ADARB2: variants seen among roughly 807,000 people sequenced by gnomAD.
ADARB2 encodes the protein adenosine deaminase RNA specific B2 (inactive), also known as inactive double-stranded RNA-specific editase B2.
ADARB2 carries 25 observed loss-of-function variants against 62.2 expected under a neutral mutation model. The ratio of observed to expected loss-of-function variants is 0.40; its 90% CI spans 0.29 to 0.56. ADARB2 has a LOEUF of 0.56. Ranked by LOEUF, ADARB2 falls within the 20% of genes least tolerant of loss-of-function variation. The pLI is 0.43. For missense variants in ADARB2, 1,071 were observed against 1,077.4 expected (o/e 0.99, Z 0.08); for synonymous variants, 572 against 500.8 (o/e 1.14, Z -1.90).
At chr10:1,664,576 G>A (rs1834290956) in intron 1 of ADARB2, among the ~76,000 whole-genome samples, 1 of 152,192 alleles carries the variant, frequency 6.6e-6, no homozygotes, top group African/African-American at 2.4e-5. Flanking sequence ...AAGAATTGCT[G>A]TTTACGGCGA....
intron 1 of ADARB2, among the ~76,000 whole-genome samples, chr10:1,709,989 G>A (rs1249798685): frequency 6.6e-6 from 1 of 152,196 alleles, no homozygotes; most frequent in Non-Finnish European, 1.5e-5. Context: ...CATTTTATGT[G>A]CAGCTCTCCT....
intron 1 of ADARB2, among the ~76,000 whole-genome samples, chr10:1,695,746 A>G (rs1228295483): frequency 1.3e-5 from 2 of 152,208 alleles, no homozygotes; most frequent in Non-Finnish European, 2.9e-5. Context: ...GTGTATGTAT[A>G]CATGGAAACA....
At chr10:1,460,372 G>C (rs111399084) in intron 1 of ADARB2, among the ~76,000 whole-genome samples, 2 of 72,650 alleles carry the variant, frequency 2.8e-5, no homozygotes, top group African/African-American at 1.3e-4. Context: ...CCTGTGACCT[G>C]AGTTTACCTG....
At chr10:1,587,030 C>G (rs559158356) in intron 1 of ADARB2, among the ~76,000 whole-genome samples, 1 of 152,242 alleles carries the variant, frequency 6.6e-6, no homozygotes, top group African/African-American at 2.4e-5. Flanking sequence ...TCAATTACAC[C>G]GGGGAATTGC....
chr10:1,478,330 C>T (rs930641638), intron 1 of ADARB2, among the ~76,000 whole-genome samples: 22 of 152,158 alleles, frequency 1.4e-4, no homozygotes, highest in African/African-American at 4.3e-4. Flanking sequence ...CGTTGGCACA[C>T]GGCATGGAGG....
chr10:1,248,199 A>G (rs1364974154), intron 4 of ADARB2, among the ~76,000 whole-genome samples: 42 of 113,132 alleles, frequency 3.7e-4, no homozygotes, highest in South Asian at 9.2e-4. Flanking sequence ...TGTGAGGCAA[A>G]GGTGTGCGAC....
Position 1,387,015 on chromosome 10 carries a change from AC to A in ADARB2, c.101-7856del, listed in dbSNP as rs1331693256. ...AAATTAAGTATCACCATTGTAAGTGACCCAAGAGTTAAAAGAGAAATCACAG... is the reference window on the plus strand; with the variant it reads ...AAATTAAGTATCACCATTGTAAGTGACCAAGAGTTAAAAGAGAAATCACAG... On this transcript the variant is annotated intron_variant, in intron 1 of 9. Transcript: ENST00000381312. Among the ~76,000 whole-genome samples, 3 of 152,076 alleles carry A rather than the reference AC, an allele frequency of 2.0e-5. No individual in the cohort carries two copies. In the East Asian group the frequency reaches 5.8e-4, roughly 29 times the overall value.
chr10:1,713,459 C>T (rs1834977702), intron 1 of ADARB2, among the ~76,000 whole-genome samples: 1 of 152,220 alleles, frequency 6.6e-6, no homozygotes, highest in Non-Finnish European at 1.5e-5. Context: ...GGAAAGGAGC[C>T]CAGTGCACTC....
intron 1 of ADARB2, among the ~76,000 whole-genome samples, chr10:1,429,721 T>A (rs1036217189): frequency 6.6e-6 from 1 of 152,214 alleles, no homozygotes; most frequent in African/African-American, 2.4e-5. Flanking sequence ...ACCATACTTA[T>A]TAAGACAGTC....
intron 1 of ADARB2, among the ~76,000 whole-genome samples, chr10:1,563,406 ACCTCCTG>A (rs1832814154): frequency 6.6e-6 from 1 of 151,566 alleles, no homozygotes; most frequent in South Asian, 2.1e-4. Context: ...CCCTCATATG[ACCTCCTG>A]CATCCATCTC....
At chr10:1,362,386 CA>C (rs1832266217) in intron 3 of ADARB2, among the ~76,000 whole-genome samples, 1 of 152,206 alleles carries the variant, frequency 6.6e-6, no homozygotes, top group African/African-American at 2.4e-5. Context: ...GTTCTTTGCT[CA>C]AGGCGCCAAG....
At chr10:1,505,055 C>G (rs967804032) in intron 1 of ADARB2, among the ~76,000 whole-genome samples, 5 of 151,806 alleles carry the variant, frequency 3.3e-5, no homozygotes, top group Non-Finnish European at 7.4e-5. Flanking sequence ...CACACAGACA[C>G]ATGCATACAG....
chr10:1,327,894 CTCAGCGCCTCCTCACAGT>C (rs1564258830), intron 3 of ADARB2, among the ~76,000 whole-genome samples: 1 of 114,060 alleles, frequency 8.8e-6, no homozygotes, highest in East Asian at 2.8e-4. Flanking sequence ...CTCCTCACAG[CTCAGCGCCTCCTCACAGT>C]TCAGCATCTC....
At position 1,350,770 on chromosome 10, in the gene ADARB2, C is replaced by T. The variant is rs544608971; in HGVS notation, c.1077+12258G>A. Among the ~76,000 whole-genome samples, 7 of 152,248 alleles carry T rather than the reference C, an allele frequency of 4.6e-5. No individual in the cohort carries two copies. The East Asian group carries it at 7.7e-4, about 17-fold the overall frequency. ...TACATTTTATTACCCAATCCGCTCC[C>T]GACATTAAATAAAACTCCAAAAATT... On this transcript the variant is annotated intron_variant, in intron 3 of 9. Transcript: ENST00000381312.
At chr10:1,224,366 C>CA (rs200506745) in intron 6 of ADARB2, among the ~76,000 whole-genome samples, 1 of 151,752 alleles carries the variant, frequency 6.6e-6, no homozygotes, top group African/African-American at 2.4e-5. Context: ...TTGATCTTTT[C>CA]AAAAAAACAG....
intron 1 of ADARB2, among the ~76,000 whole-genome samples, chr10:1,388,237 A>C (rs1588241105): frequency 6.6e-6 from 1 of 152,160 alleles, no homozygotes; most frequent in Non-Finnish European, 1.5e-5. Context: ...ATTTCCTCAA[A>C]TTGATACAGG....
intron 1 of ADARB2, among the ~76,000 whole-genome samples, chr10:1,508,460 A>G (rs1189889882): frequency 1.3e-5 from 2 of 152,176 alleles, no homozygotes; most frequent in Non-Finnish European, 2.9e-5. Flanking sequence ...ACTTGCCTAC[A>G]TTATTGTTTT....
chr10:1,512,662 A>C (rs909460505), intron 1 of ADARB2, among the ~76,000 whole-genome samples: 5 of 152,240 alleles, frequency 3.3e-5, no homozygotes, highest in African/African-American at 1.2e-4. Flanking sequence ...TTTCCCTCCA[A>C]GTTTCTGCTC....
intron 1 of ADARB2, among the ~76,000 whole-genome samples, chr10:1,559,986 C>G (rs540964832): frequency 6.6e-5 from 10 of 152,260 alleles, no homozygotes; most frequent in African/African-American, 2.4e-4. Flanking sequence ...AATCCCACTG[C>G]GTGGACGGCA....
Sources: gnomAD v4.1 joint callset for allele counts (sites outside exome capture counted in the v4.1 genomes callset) on GRCh38, gnomAD v4.1.1 for gene constraint, MANE v1.5 for transcripts, NCBI Gene and HGNC (gene_info 2026-07-23, HGNC 2026-07-21) for gene names.